Variants in ANKRD30B observed in about 807,000 individuals in gnomAD.
The protein encoded by ANKRD30B is ankyrin repeat domain 30B.
ANKRD30B carries 144 observed loss-of-function variants against 202.2 expected under a neutral mutation model. The ratio of observed to expected loss-of-function variants is 0.71; its 90% CI spans 0.62 to 0.82. The LOEUF is 0.82. Ranked by LOEUF, ANKRD30B falls within the 40% of genes least tolerant of loss-of-function variation. The probability of loss-of-function intolerance (pLI) is 0.00; values close to 1 mark genes in which losing one functional copy is unlikely to be tolerated. For missense variants in ANKRD30B, 1,487 were observed against 1,669.1 expected (o/e 0.89, Z 1.90); for synonymous variants, 508 against 561.3 (o/e 0.91, Z 1.34).
At chr18:14,827,678 T>C (rs1970722388) in intron 32 of ANKRD30B, among the ~76,000 whole-genome samples, 1 of 152,224 alleles carries the variant, frequency 6.6e-6, no homozygotes, top group South Asian at 2.1e-4. Context: ...GACTACTGTA[T>C]ACTCTGTTCT....
chr18:14,850,267 A>G lies in ANKRD30B; in HGVS notation c.3449A>G (p.Glu1150Gly). Reference protein sequence around the residue: ...EKRRNVDILKEKIRPEEQLRK... With the variant: ...EKRRNVDILKGKIRPEEQLRK... ...AGAAGAAATGTCGATATATTAAAAG[A>G]AAAAATTAGACCCGAAGAGCAACTT... The change falls in exon 41 of 44, where the codon GAA becomes GGA. Residue 1150 changes from glutamate (E) to glycine (G), a missense_variant. Glu to Gly is a moderately conservative substitution (Grantham distance 98, BLOSUM62 -2). Transcript: ENST00000690538. 2 of 1,590,698 alleles carry G rather than the reference A, an allele frequency of 1.3e-6. No individual in the cohort carries two copies. The highest frequency in any genetic ancestry group is 1.7e-6 in the Non-Finnish European group (2 of 1,170,718).
chr18:14,866,249 G>A, the ANKRD30B span, among the ~76,000 whole-genome samples: 1 of 152,344 alleles, frequency 6.6e-6, no homozygotes, highest in South Asian at 2.1e-4. Flanking sequence ...GGGGGAGCTG[G>A]AGGCTGGAGC....
chr18:14,878,640 C>T, the ANKRD30B span, among the ~76,000 whole-genome samples: 1 of 152,138 alleles, frequency 6.6e-6, no homozygotes. Flanking sequence ...AAAGGGCAGC[C>T]GTTCCCTTTA....
intron 33 of ANKRD30B, among the ~76,000 whole-genome samples, chr18:14,828,660 G>A (rs1970765968): frequency 6.6e-6 from 1 of 152,142 alleles, no homozygotes. Flanking sequence ...CAAGGTACAG[G>A]ACCAGATGGG....
the ANKRD30B span, among the ~76,000 whole-genome samples, chr18:14,938,994 T>C: frequency 6.6e-6 from 1 of 152,180 alleles, no homozygotes; most frequent in African/African-American, 2.4e-5. Flanking sequence ...GGCCACAGGC[T>C]GCTGTCATCT....
chr18:14,885,849 A>G, the ANKRD30B span, among the ~76,000 whole-genome samples: 8 of 151,934 alleles, frequency 5.3e-5, no homozygotes, highest in Admixed American at 5.3e-4. Context: ...CTTTGAAAGT[A>G]TCTTCTGTTT....
downstream of ANKRD30B, among the ~76,000 whole-genome samples, chr18:14,856,219 A>G (rs1178840124): frequency 6.4e-5 from 8 of 125,964 alleles, no homozygotes; most frequent in South Asian, 2.1e-3. Context: ...GGCGCTTCTC[A>G]CCTCCCAGAT....
At chr18:14,939,470 C>A in the ANKRD30B span, among the ~76,000 whole-genome samples, 1 of 152,172 alleles carries the variant, frequency 6.6e-6, no homozygotes, top group African/African-American at 2.4e-5. Flanking sequence ...TGAACAGGAT[C>A]AGTAAAGGGC....
chr18:14,889,646 T>G, the ANKRD30B span, among the ~76,000 whole-genome samples: 2,708 of 150,294 alleles, frequency 0.018, 96 homozygotes, highest in African/African-American at 0.064. Context: ...AATGTGCAAA[T>G]TGGGTGAACT....
chr18:14,815,574 T>G (rs1438980564), intron 30 of ANKRD30B, among the ~76,000 whole-genome samples: 2 of 152,032 alleles, frequency 1.3e-5, no homozygotes, highest in Non-Finnish European at 2.9e-5. Context: ...AGTAATTGGA[T>G]AAAGGGTCAA....
chr18:14,812,354 A>AT lies in ANKRD30B; in HGVS notation c.2489-746dup, dbSNP rs1209220080. On this transcript the variant is annotated intron_variant, in intron 28 of 43. Transcript: ENST00000690538. Reference sequence around the variant, plus strand: ...CTCCTCAAGTCTTGTGTGGGCCTTGATTTTATCCTATAACATGTGGGGATG... The same window carrying AT: ...CTCCTCAAGTCTTGTGTGGGCCTTGATTTTTATCCTATAACATGTGGGGATG... Among the ~76,000 whole-genome samples the AT allele has an allele frequency of 2.2e-5, 3 of 134,344 alleles. No homozygotes were observed. In the South Asian group the frequency reaches 7.4e-4, roughly 33 times the overall value. 88.1% of individuals were successfully genotyped at this position (134,344 alleles called of 152,430 possible).
chr18:14,809,979 C>T lies in ANKRD30B; in HGVS notation c.2387-7C>T. On this transcript the variant is annotated splice_region_variant and splice_polypyrimidine_tract_variant and intron_variant, in intron 26 of 43. Transcript: ENST00000690538. ...ATAATCAATTATATATGTCCCTTTT[C>T]TTTTAGAGTCTCCTGATAAAGATGG... 7.0e-7 allele frequency: 1 copy of T among 1,418,566 alleles called. No individual in the cohort carries two copies. Among genetic ancestry groups the T allele is most frequent in the Non-Finnish European group, 9.9e-7 (1 of 1,013,754 alleles). 87.9% of individuals were successfully genotyped at this position (1,418,566 alleles called of 1,614,324 possible).
the ANKRD30B span, among the ~76,000 whole-genome samples, chr18:14,870,658 A>G: frequency 2.0e-5 from 3 of 152,058 alleles, no homozygotes; most frequent in African/African-American, 4.8e-5. Context: ...ACCCTCTTCT[A>G]TCTGTCTGTG....
At chr18:14,772,309 C>A in intron 9 of ANKRD30B, 81 bp downstream of exon 9, 1 of 788,050 alleles carries the variant, frequency 1.3e-6, no homozygotes, top group Non-Finnish European at 1.8e-6. Flanking sequence ...GTGTATGTAT[C>A]ATTATTTCAT....
At chr18:14,914,052 A>C in the ANKRD30B span, among the ~76,000 whole-genome samples, 1 of 152,108 alleles carries the variant, frequency 6.6e-6, no homozygotes, top group African/African-American at 2.4e-5. Flanking sequence ...GAGCCAGAAA[A>C]CCTAGTACCA....
chr18:14,759,993 C>G (rs1232585800), intron 5 of ANKRD30B, among the ~76,000 whole-genome samples: 2 of 152,202 alleles, frequency 1.3e-5, no homozygotes, highest in African/African-American at 4.8e-5. Flanking sequence ...CCCCCTGTCT[C>G]AGCATCCTAA....
intron 4 of ANKRD30B, 132 bp downstream of exon 4, chr18:14,755,137 A>G: frequency 1.9e-6 from 1 of 533,098 alleles, no homozygotes; most frequent in Non-Finnish European, 3.1e-6. Flanking sequence ...ATCAACACAA[A>G]TTATCAGAAG....
At chr18:14,832,627 A>G (rs1971002597) in intron 34 of ANKRD30B, among the ~76,000 whole-genome samples, 1 of 152,222 alleles carries the variant, frequency 6.6e-6, no homozygotes, top group African/African-American at 2.4e-5. Flanking sequence ...GCGGTTTTCA[A>G]TGTGAATAAA....
the ANKRD30B span, among the ~76,000 whole-genome samples, chr18:14,930,231 G>T: frequency 6.6e-6 from 1 of 152,226 alleles, no homozygotes; most frequent in East Asian, 1.9e-4. Context: ...CTGAGAGGCT[G>T]GGCCGACAGA....
Sources: gnomAD v4.1 joint callset for allele counts (sites outside exome capture counted in the v4.1 genomes callset) on GRCh38, gnomAD v4.1.1 for gene constraint, MANE v1.5 for transcripts, NCBI Gene and HGNC (gene_info 2026-07-23, HGNC 2026-07-21) for gene names.